The following IKZF1 variants were observed in gnomAD, a reference collection of about 807,000 sequenced individuals.
IKZF1 encodes the protein IKAROS family zinc finger 1.
In IKZF1, 10 loss-of-function variants were observed where a neutral mutation model predicts 51.7. That is an observed-to-expected ratio of 0.19 (90% CI 0.12 to 0.33). The LOEUF is 0.33. Ranked by LOEUF, IKZF1 falls within the 10% of genes least tolerant of loss-of-function variation. The probability of loss-of-function intolerance (pLI) is 1.00; values close to 1 mark genes in which losing one functional copy is unlikely to be tolerated. For synonymous variants in IKZF1, 280 were observed against 282.3 expected, an observed-to-expected ratio of 0.99 and a Z score of 0.08; for missense variants, 484 against 707.5, an observed-to-expected ratio of 0.68 and a Z score of 3.58.
intron 7 of IKZF1, among the ~76,000 whole-genome samples, chr7:50,395,273 T>A (rs1816390207): frequency 6.6e-6 from 1 of 152,168 alleles, no homozygotes; most frequent in South Asian, 2.1e-4. Flanking sequence ...AAATAAATAC[T>A]TTCATAAATA....
chr7:50,341,145 CT>C (rs1330095012), intron 3 of IKZF1, among the ~76,000 whole-genome samples: 27 of 133,774 alleles, frequency 2.0e-4, no homozygotes, highest in Admixed American at 2.3e-4. Flanking sequence ...GGTATGGAGT[CT>C]TTTTTTTTTT....
chr7:50,372,996 G>C (rs1809162987), intron 3 of IKZF1, among the ~76,000 whole-genome samples: 1 of 152,240 alleles, frequency 6.6e-6, no homozygotes, highest in African/African-American at 2.4e-5. Context: ...TTCTGTTACA[G>C]CTCTCAGTGA....
intron 3 of IKZF1, among the ~76,000 whole-genome samples, chr7:50,343,679 T>C (rs1799650377): frequency 6.6e-6 from 1 of 152,204 alleles, no homozygotes; most frequent in African/African-American, 2.4e-5. Flanking sequence ...TTTAACTGAG[T>C]GTACCTAGAG....
intron 3 of IKZF1, among the ~76,000 whole-genome samples, chr7:50,357,766 C>G (rs1005288013): frequency 6.6e-6 from 1 of 152,118 alleles, no homozygotes; most frequent in East Asian, 1.9e-4. Context: ...AGCTAGGACG[C>G]GAAGACTTGG....
rs910105795 is a variant in IKZF1, at chr7:50,389,512, C to G, written c.715+2042C>G. Among the ~76,000 whole-genome samples the G allele has an allele frequency of 2.0e-5, 3 of 152,162 alleles. No individual in the cohort carries two copies. The East Asian group carries it at 5.8e-4, about 29-fold the overall frequency. ...CCACACTCAGGAGGTATGAAAGCGT[C>G]TCTAGGAAGGAGCAGTGGTCTGGTC... On this transcript the variant is annotated intron_variant, in intron 6 of 7. Transcript: ENST00000331340.
rs750341585 is a variant in IKZF1 at position 50,327,619 on chromosome 7, ACTT to A, written c.41-12_41-10del. The A allele has an allele frequency of 2.8e-5, 45 of 1,600,306 alleles. No homozygotes were observed. Among genetic ancestry groups the A allele is most frequent in the African/African-American group, 2.2e-4 (16 of 74,342 alleles). ...TTGACCATGACCGCCCGAGACTCAC[ACTT>A]CTTCTTTCTCATCAGGGAAGGAAAG... On this transcript the variant is annotated splice_polypyrimidine_tract_variant and intron_variant, in intron 2 of 7. Coordinates refer to ENST00000331340, the MANE Select transcript of IKZF1 (RefSeq NM_006060.6).
At chr7:50,314,002 C>G (rs1230985122) in intron 1 of IKZF1, among the ~76,000 whole-genome samples, 1 of 152,262 alleles carries the variant, frequency 6.6e-6, no homozygotes, top group Admixed American at 6.5e-5. Flanking sequence ...TGAAATATCA[C>G]TGGACAAAGA....
At chr7:50,319,016 T>A in intron 1 of IKZF1, 32 bp from the exon 2 acceptor site, 1 of 1,480,948 alleles carries the variant, frequency 6.8e-7, no homozygotes, top group East Asian at 2.3e-5. Context: ...GTATTTTTGC[T>A]TTAAACTAAA....
At chr7:50,336,254 G>A (rs1003762638) in intron 3 of IKZF1, among the ~76,000 whole-genome samples, 1 of 152,150 alleles carries the variant, frequency 6.6e-6, no homozygotes, top group African/African-American at 2.4e-5. Context: ...TGGCCCCGGC[G>A]GGGGCAGGGG....
intron 3 of IKZF1, among the ~76,000 whole-genome samples, chr7:50,346,474 T>C: frequency 6.6e-6 from 1 of 152,198 alleles, no homozygotes. Context: ...CAAAGCCCTC[T>C]AAATAGCCCG....
At chr7:50,393,625 CCA>C (rs557067446) in intron 7 of IKZF1, among the ~76,000 whole-genome samples, 70 of 152,324 alleles carry the variant, frequency 4.6e-4, no homozygotes, top group Admixed American at 1.9e-3. Context: ...GGGGAGTTGT[CCA>C]CACACACATG....
At chr7:50,361,218 G>A (rs1419156363) in intron 3 of IKZF1, among the ~76,000 whole-genome samples, 4 of 151,872 alleles carry the variant, frequency 2.6e-5, no homozygotes, top group East Asian at 1.9e-4. Flanking sequence ...TTCTTACCCC[G>A]TTCTCATTAT....
At chr7:50,352,590 G>T (rs1248726907) in intron 3 of IKZF1, among the ~76,000 whole-genome samples, 5 of 152,330 alleles carry the variant, frequency 3.3e-5, no homozygotes, top group Admixed American at 2.6e-4. Flanking sequence ...AATGGGACGG[G>T]ATGGGATTGG....
intron 3 of IKZF1, among the ~76,000 whole-genome samples, chr7:50,330,653 G>C (rs137862079): frequency 0.049 from 7,416 of 152,200 alleles, 287 homozygotes; most frequent in African/African-American, 0.1. Flanking sequence ...TTAATTTGTA[G>C]TGTACAGCAT....
At chr7:50,324,928 T>C (rs990025745) in intron 2 of IKZF1, among the ~76,000 whole-genome samples, 2 of 152,122 alleles carry the variant, frequency 1.3e-5, no homozygotes, top group Non-Finnish European at 2.9e-5. Flanking sequence ...TGCTCCAGCA[T>C]GATCGCAGGG....
Position 50,385,295 on chromosome 7 carries a change from C to A in IKZF1, c.590-2050C>A, listed in dbSNP as rs117364644. On this transcript the variant is annotated intron_variant, in intron 5 of 7. Transcript: ENST00000331340. ...AATAAGGACTTTGGCCTTGCTCTGG[C>A]AAATTCAAATGTGGCCACACTCTAC... Among the ~76,000 whole-genome samples, 61 of 152,276 alleles carry A rather than the reference C, an allele frequency of 4.0e-4. 1 individual carries two copies. In the East Asian group the frequency reaches 0.011, roughly 27 times the overall value.
intron 3 of IKZF1, among the ~76,000 whole-genome samples, chr7:50,352,724 G>T (rs1802170450): frequency 6.6e-6 from 1 of 152,026 alleles, no homozygotes; most frequent in African/African-American, 2.4e-5. Flanking sequence ...AGTTTTTGTT[G>T]TGCTTCTATC....
At chr7:50,365,544 A>G (rs886323402) in intron 3 of IKZF1, among the ~76,000 whole-genome samples, 1 of 152,244 alleles carries the variant, frequency 6.6e-6, no homozygotes, top group Non-Finnish European at 1.5e-5. Context: ...GTTCATCATC[A>G]TTGATCATTA....
intron 3 of IKZF1, among the ~76,000 whole-genome samples, chr7:50,356,543 C>G (rs534719531): frequency 3.3e-5 from 5 of 152,250 alleles, no homozygotes; most frequent in African/African-American, 1.2e-4. Flanking sequence ...TGGGGTGTGT[C>G]TGTGTGTGCA....
Sources: gnomAD v4.1 joint callset for allele counts (sites outside exome capture counted in the v4.1 genomes callset) on GRCh38, gnomAD v4.1.1 for gene constraint, MANE v1.5 for transcripts, NCBI Gene and HGNC (gene_info 2026-07-23, HGNC 2026-07-21) for gene names.